The following LRRIQ3 variants were observed in gnomAD, a reference collection of about 807,000 sequenced individuals.
LRRIQ3 encodes leucine-rich repeat and IQ domain-containing protein 3.
LRRIQ3 carries 75 observed loss-of-function variants against 59.3 expected under a neutral mutation model. The observed-to-expected ratio is 1.26, with a 90% CI of 1.05 to 1.53. The LOEUF is 1.53. LRRIQ3 is among the 40% of genes most tolerant of loss of function. LRRIQ3 has a pLI of 0.00. For missense variants in LRRIQ3, 831 were observed against 710.0 expected (o/e 1.17, Z -1.94); for synonymous variants, 250 against 231.3 (o/e 1.08, Z -0.73).
At chr1:74,176,794 G>A (rs1279166932) in intron 3 of LRRIQ3, among the ~76,000 whole-genome samples, 2 of 152,040 alleles carry the variant, frequency 1.3e-5, no homozygotes, top group African/African-American at 4.8e-5. Flanking sequence ...CAGCAGGGAG[G>A]GGCAGGAATG....
chr1:74,184,575 T>C (rs1017856730), intron 1 of LRRIQ3, among the ~76,000 whole-genome samples: 2 of 152,122 alleles, frequency 1.3e-5, no homozygotes, highest in Non-Finnish European at 2.9e-5. Flanking sequence ...TTGTACTCTT[T>C]CAAGACACTG....
intron 5 of LRRIQ3, among the ~76,000 whole-genome samples, chr1:74,089,248 G>A (rs570269789): frequency 2.0e-5 from 3 of 152,056 alleles, no homozygotes; most frequent in African/African-American, 7.2e-5. Context: ...AAAACTGTTC[G>A]GCAGTTTCTC....
At chr1:74,036,677 C>A (rs746594447) in intron 7 of LRRIQ3, among the ~76,000 whole-genome samples, 1 of 152,082 alleles carries the variant, frequency 6.6e-6, no homozygotes, top group Non-Finnish European at 1.5e-5. Flanking sequence ...TATTTCCCAC[C>A]TCAATTTTCA....
intron 5 of LRRIQ3, among the ~76,000 whole-genome samples, chr1:74,105,346 G>A (rs1025191352): frequency 6.6e-6 from 1 of 151,450 alleles, no homozygotes; most frequent in East Asian, 1.9e-4. Flanking sequence ...CCGCCTCTGG[G>A]ATTCAAGTGA....
At chr1:74,175,788 C>G (rs1308506400) in intron 3 of LRRIQ3, among the ~76,000 whole-genome samples, 1 of 152,246 alleles carries the variant, frequency 6.6e-6, no homozygotes, top group South Asian at 2.1e-4. Context: ...TTGTATATCT[C>G]TTTGTACAGC....
intron 5 of LRRIQ3, among the ~76,000 whole-genome samples, 159 bp from the exon 6 acceptor site, chr1:74,074,949 A>C (rs1646186820): frequency 6.6e-6 from 1 of 152,148 alleles, no homozygotes. Context: ...AAAATTTAAA[A>C]AGCTCCATTG....
At chr1:74,051,386 T>C (rs1054344439) in intron 6 of LRRIQ3, among the ~76,000 whole-genome samples, 1 of 152,168 alleles carries the variant, frequency 6.6e-6, no homozygotes, top group Admixed American at 6.6e-5. Flanking sequence ...ATGTGACTGT[T>C]AGTGACAACG....
intron 4 of LRRIQ3, among the ~76,000 whole-genome samples, chr1:74,111,771 C>A (rs967899998): frequency 2.0e-5 from 3 of 151,994 alleles, no homozygotes; most frequent in Non-Finnish European, 4.4e-5. Context: ...TCCCTCAACC[C>A]CAGTTCAGTA....
intron 1 of LRRIQ3, among the ~76,000 whole-genome samples, chr1:74,189,333 A>G (rs1650607650): frequency 6.6e-6 from 1 of 152,150 alleles, no homozygotes; most frequent in African/African-American, 2.4e-5. Context: ...ACTGGTTACG[A>G]CAAGTTCATT....
chr1:74,065,269 T>C (rs888509575), intron 6 of LRRIQ3, among the ~76,000 whole-genome samples: 2 of 152,276 alleles, frequency 1.3e-5, no homozygotes, highest in South Asian at 4.1e-4. Flanking sequence ...TGACTAATTC[T>C]TAAGTATTTC....
intron 4 of LRRIQ3, 180 bp downstream of exon 4, chr1:74,155,553 A>G: frequency 5.0e-6 from 2 of 401,458 alleles, no homozygotes; most frequent in Non-Finnish European, 8.8e-6. Context: ...AATGTTGATT[A>G]TGTTAAATAT....
intron 4 of LRRIQ3, among the ~76,000 whole-genome samples, chr1:74,149,161 T>C (rs1040129606): frequency 5.9e-5 from 9 of 152,182 alleles, no homozygotes; most frequent in African/African-American, 2.2e-4. Flanking sequence ...GTAACGTCTT[T>C]GTAAGATTTT....
At chr1:74,146,146 G>C (rs1157586736) in intron 4 of LRRIQ3, among the ~76,000 whole-genome samples, 1 of 152,034 alleles carries the variant, frequency 6.6e-6, no homozygotes, top group African/African-American at 2.4e-5. Context: ...TATAACCTAA[G>C]TTTGTCAAAG....
chr1:74,035,728 G>A lies in LRRIQ3; in HGVS notation c.1718+5485C>T, dbSNP rs78796983. ...GCACAACTGTCTACTGAGACTTAGA[G>A]GCTCTTTTTAATCAAGTTGATGTTT... On this transcript the variant is annotated intron_variant, in intron 7 of 7. Transcript: ENST00000354431. Among the ~76,000 whole-genome samples, 575 of 152,222 alleles carry A rather than the reference G, an allele frequency of 3.8e-3. 5 individuals are homozygous for A. The highest frequency in any genetic ancestry group is 0.013 in the African/African-American group (546 of 41,550).
At chr1:74,068,484 G>A (rs1166569380) in intron 6 of LRRIQ3, among the ~76,000 whole-genome samples, 2 of 152,080 alleles carry the variant, frequency 1.3e-5, no homozygotes, top group African/African-American at 4.8e-5. Flanking sequence ...TGCATGGGAA[G>A]CTGGGCAATG....
intron 5 of LRRIQ3, among the ~76,000 whole-genome samples, chr1:74,090,367 T>C (rs1166232928): frequency 6.6e-6 from 1 of 151,700 alleles, no homozygotes; most frequent in Admixed American, 6.6e-5. Context: ...ATGAGAAAAC[T>C]ATGAGAGAAC....
At chr1:74,101,282 T>C (rs1160456736) in intron 5 of LRRIQ3, among the ~76,000 whole-genome samples, 2 of 152,138 alleles carry the variant, frequency 1.3e-5, no homozygotes, top group African/African-American at 2.4e-5. Context: ...AGAAGACATT[T>C]ATGCAGCCAA....
chr1:74,075,639 T>TG (rs1377830108), intron 5 of LRRIQ3, among the ~76,000 whole-genome samples: 2 of 152,046 alleles, frequency 1.3e-5, no homozygotes, highest in Middle Eastern at 3.4e-3. Flanking sequence ...AGTAGCTTCA[T>TG]GGGGAACAGA....
chr1:74,138,163 CA>C (rs71588822), intron 4 of LRRIQ3, among the ~76,000 whole-genome samples: 43,306 of 111,514 alleles, frequency 0.39, 7,026 homozygotes, highest in Middle Eastern at 0.55. Flanking sequence ...AACAAACAAA[CA>C]AAAAAAAAAA....
Sources: gnomAD v4.1 joint callset for allele counts (sites outside exome capture counted in the v4.1 genomes callset) on GRCh38, gnomAD v4.1.1 for gene constraint, MANE v1.5 for transcripts, NCBI Gene and HGNC (gene_info 2026-07-23, HGNC 2026-07-21) for gene names.